Variants in NFIL3 observed in about 807,000 individuals in gnomAD.
NFIL3 encodes the protein nuclear factor, interleukin 3 regulated, also known as nuclear factor interleukin-3-regulated protein.
NFIL3 carries 5 observed loss-of-function variants against 10.0 expected under a neutral mutation model. That is an observed-to-expected ratio of 0.50 (90% CI 0.26 to 1.06). The LOEUF is 1.06. Among genes scored for constraint, NFIL3 ranks in the 50% least tolerant of loss-of-function variants. The pLI, the probability that NFIL3 is intolerant of heterozygous loss-of-function variation, is 0.13. For missense variants in NFIL3, 436 were observed against 547.6 expected (o/e 0.80, Z 2.03); for synonymous variants, 202 against 206.5 (o/e 0.98, Z 0.19).
the NFIL3 span, among the ~76,000 whole-genome samples, chr9:91,429,108 A>G: frequency 1.3e-5 from 2 of 152,260 alleles, no homozygotes; most frequent in African/African-American, 4.8e-5. Flanking sequence ...CATGAAGAAT[A>G]AGACAAGACA....
the NFIL3 span, among the ~76,000 whole-genome samples, chr9:91,464,796 G>C: frequency 2.6e-5 from 4 of 152,072 alleles, 1 homozygote; most frequent in Middle Eastern, 0.01. Flanking sequence ...GTCTAGGTTG[G>C]TGTGAACTTT....
chr9:91,460,271 CTTTTT>C, the NFIL3 span, among the ~76,000 whole-genome samples: 208 of 70,422 alleles, frequency 3.0e-3, 4 homozygotes, highest in Admixed American at 5.0e-3. Flanking sequence ...GGGCTTGGTT[CTTTTT>C]TTTTTTTTTT....
chr9:91,428,180 G>A (rs374259175), upstream of NFIL3, among the ~76,000 whole-genome samples: 7 of 152,000 alleles, frequency 4.6e-5, no homozygotes, highest in African/African-American at 1.7e-4. Flanking sequence ...TTCCTCTTCC[G>A]CTTTGCCTTT....
At chr9:91,441,355 G>C in the NFIL3 span, among the ~76,000 whole-genome samples, 3 of 152,012 alleles carry the variant, frequency 2.0e-5, no homozygotes, top group Non-Finnish European at 4.4e-5. Context: ...CATTTGCATG[G>C]AATATCTTCT....
At chr9:91,450,707 T>C in the NFIL3 span, among the ~76,000 whole-genome samples, 1 of 152,186 alleles carries the variant, frequency 6.6e-6, no homozygotes, top group African/African-American at 2.4e-5. Flanking sequence ...TTTGTGTATG[T>C]ATGTTAGGTC....
chr9:91,432,754 C>T, the NFIL3 span, among the ~76,000 whole-genome samples: 3 of 151,946 alleles, frequency 2.0e-5, no homozygotes, highest in Non-Finnish European at 2.9e-5. Flanking sequence ...GTGAGAAGGT[C>T]TTAGGGAGGT....
chr9:91,470,647 G>A, the NFIL3 span, among the ~76,000 whole-genome samples: 9 of 152,194 alleles, frequency 5.9e-5, no homozygotes, highest in African/African-American at 2.2e-4. Flanking sequence ...GCTTTCTCTT[G>A]TGGACATTTA....
At chr9:91,454,295 C>T in the NFIL3 span, among the ~76,000 whole-genome samples, 19 of 150,314 alleles carry the variant, frequency 1.3e-4, no homozygotes, top group South Asian at 6.4e-4. Flanking sequence ...TCCCTAAGCA[C>T]AAGCAAACAA....
At chr9:91,421,811 T>G (rs1255267821) in intron 1 of NFIL3, among the ~76,000 whole-genome samples, 1 of 151,686 alleles carries the variant, frequency 6.6e-6, no homozygotes, top group Non-Finnish European at 1.5e-5. Context: ...ACCCCCCACC[T>G]CCCACAAAAA....
At chr9:91,482,203 T>C in the NFIL3 span, among the ~76,000 whole-genome samples, 1 of 152,224 alleles carries the variant, frequency 6.6e-6, no homozygotes, top group African/African-American at 2.4e-5. Context: ...GGATGTCTAT[T>C]GCAACACTTT....
the NFIL3 span, among the ~76,000 whole-genome samples, chr9:91,443,145 G>C: frequency 6.6e-6 from 1 of 152,334 alleles, no homozygotes; most frequent in Non-Finnish European, 1.5e-5. Flanking sequence ...ACTTTCCATA[G>C]GCAGGTCATC....
At position 91,422,081 on chromosome 9, in the gene NFIL3, A is replaced by G. The variant is rs78731730; in HGVS notation, c.-173+1559T>C. 9.0e-3 allele frequency among the ~76,000 whole-genome samples: 1,372 copies of G among 152,336 alleles called. 49 individuals carry two copies. The East Asian group carries it at 0.12, about 13-fold the overall frequency. On this transcript the variant is annotated intron_variant, in intron 1 of 1. Transcript: ENST00000297689. ...CTCACTTACTGTTGTTATTTACAAA[A>G]GCCAAGAACAGAAGATGACACTTGG... is the stretch of plus-strand genomic sequence containing the variant.
chr9:91,471,769 G>T, the NFIL3 span, among the ~76,000 whole-genome samples: 45,044 of 151,788 alleles, frequency 0.3, 7,546 homozygotes, highest in East Asian at 0.49. Context: ...GTTATTTTGC[G>T]CATTAGTTGA....
the NFIL3 span, among the ~76,000 whole-genome samples, chr9:91,451,490 T>C: frequency 6.6e-6 from 1 of 152,196 alleles, no homozygotes; most frequent in Non-Finnish European, 1.5e-5. Context: ...AGATAATAGC[T>C]TCACTGGGAA....
chr9:91,448,756 T>C, the NFIL3 span, among the ~76,000 whole-genome samples: 1 of 119,758 alleles, frequency 8.4e-6, no homozygotes, highest in Admixed American at 7.1e-5. Context: ...AAGATTGGCT[T>C]GTCCCTTTCT....
chr9:91,460,132 T>C, the NFIL3 span, among the ~76,000 whole-genome samples: 4 of 151,590 alleles, frequency 2.6e-5, no homozygotes, highest in Admixed American at 6.6e-5. Flanking sequence ...CTGCCTTGAG[T>C]AGAGTCAGAG....
the NFIL3 span, among the ~76,000 whole-genome samples, chr9:91,481,779 T>C: frequency 6.6e-6 from 1 of 152,150 alleles, no homozygotes; most frequent in South Asian, 2.1e-4. Context: ...AATAAAGAGT[T>C]AACATCTATA....
the NFIL3 span, among the ~76,000 whole-genome samples, chr9:91,439,833 T>C: frequency 0.13 from 20,306 of 152,162 alleles, 1,512 homozygotes; most frequent in East Asian, 0.34. Flanking sequence ...TTGCATATGT[T>C]AAATCAGTGT....
At chr9:91,450,829 A>G in the NFIL3 span, among the ~76,000 whole-genome samples, 1 of 152,076 alleles carries the variant, frequency 6.6e-6, no homozygotes, top group Non-Finnish European at 1.5e-5. Context: ...TTATTGTAGA[A>G]CTGTATATTT....
Sources: gnomAD v4.1 joint callset for allele counts (sites outside exome capture counted in the v4.1 genomes callset) on GRCh38, gnomAD v4.1.1 for gene constraint, MANE v1.5 for transcripts, NCBI Gene and HGNC (gene_info 2026-07-23, HGNC 2026-07-21) for gene names.